The following PPP3CA variants were observed in gnomAD, a reference collection of about 807,000 sequenced individuals.
The protein encoded by PPP3CA is protein phosphatase 3 catalytic subunit alpha.
A neutral mutation model predicts 66.5 loss-of-function variants in PPP3CA; 14 were observed. The observed-to-expected ratio is 0.21, with a 90% CI of 0.14 to 0.33. The LOEUF (loss-of-function observed/expected upper bound fraction) is 0.33, where lower values mean the gene tolerates loss of function less well. Ranked by LOEUF, PPP3CA falls within the 10% of genes least tolerant of loss-of-function variation. PPP3CA has a pLI of 1.00. For missense variants in PPP3CA, 317 were observed against 639.5 expected (o/e 0.50, Z 5.44); for synonymous variants, 232 against 226.2 (o/e 1.03, Z -0.23).
At chr4:101,038,439 G>A (rs1246321172) in intron 11 of PPP3CA, among the ~76,000 whole-genome samples, 2 of 150,380 alleles carry the variant, frequency 1.3e-5, no homozygotes, top group African/African-American at 2.5e-5. Context: ...GCGCGATCTC[G>A]GCTTACTGCA....
chr4:101,185,902 A>C (rs1724394731), intron 2 of PPP3CA, among the ~76,000 whole-genome samples: 1 of 152,176 alleles, frequency 6.6e-6, no homozygotes, highest in Non-Finnish European at 1.5e-5. Context: ...CTCATCTATT[A>C]CATGGATATC....
chr4:101,210,003 G>A (rs1468481795), intron 1 of PPP3CA, among the ~76,000 whole-genome samples: 1 of 152,132 alleles, frequency 6.6e-6, no homozygotes, highest in African/African-American at 2.4e-5. Flanking sequence ...AAGGGTTTAG[G>A]AGATTGTTGA....
At chr4:101,312,635 C>A (rs943084529) in intron 1 of PPP3CA, among the ~76,000 whole-genome samples, 2 of 151,864 alleles carry the variant, frequency 1.3e-5, no homozygotes, top group Non-Finnish European at 2.9e-5. Flanking sequence ...AAAAAAAGTT[C>A]CTCCTTTAGT....
intron 2 of PPP3CA, among the ~76,000 whole-genome samples, chr4:101,174,128 A>C (rs550015604): frequency 6.6e-6 from 1 of 152,168 alleles, no homozygotes; most frequent in East Asian, 1.9e-4. Flanking sequence ...AACAAAAAAA[A>C]CCACGTTGTT....
At chr4:101,269,101 C>G (rs1191000112) in intron 1 of PPP3CA, among the ~76,000 whole-genome samples, 1 of 152,110 alleles carries the variant, frequency 6.6e-6, no homozygotes, top group Non-Finnish European at 1.5e-5. Flanking sequence ...AAAAATTTGT[C>G]AAGAAGATTG....
chr4:101,336,641 G>A (rs372328503), intron 1 of PPP3CA, among the ~76,000 whole-genome samples: 110 of 151,360 alleles, frequency 7.3e-4, no homozygotes, highest in East Asian at 4.7e-3. Flanking sequence ...GAGGCAAACA[G>A]GTAAGACTTA....
At chr4:101,113,652 C>T (rs1222385353) in intron 2 of PPP3CA, among the ~76,000 whole-genome samples, 2 of 152,150 alleles carry the variant, frequency 1.3e-5, no homozygotes, top group South Asian at 2.1e-4. Context: ...ATCTCATTCA[C>T]CATTTTGATA....
chr4:101,269,103 A>G (rs776802325), intron 1 of PPP3CA, among the ~76,000 whole-genome samples: 2 of 152,174 alleles, frequency 1.3e-5, no homozygotes, highest in Non-Finnish European at 2.9e-5. Context: ...AAATTTGTCA[A>G]GAAGATTGAG....
intron 10 of PPP3CA, among the ~76,000 whole-genome samples, chr4:101,054,633 T>C (rs1165921428): frequency 6.6e-6 from 1 of 152,092 alleles, no homozygotes; most frequent in African/African-American, 2.4e-5. Context: ...TTAAGTTCTG[T>C]ACAACTGTTA....
At chr4:101,132,948 C>T (rs980164609) in intron 2 of PPP3CA, among the ~76,000 whole-genome samples, 14 of 152,136 alleles carry the variant, frequency 9.2e-5, no homozygotes, top group African/African-American at 2.2e-4. Context: ...GTTCAACATA[C>T]GCAAACCAAT....
At chr4:101,248,931 C>A (rs1030861989) in intron 1 of PPP3CA, among the ~76,000 whole-genome samples, 4 of 151,736 alleles carry the variant, frequency 2.6e-5, no homozygotes, top group Non-Finnish European at 4.4e-5. Context: ...GAGGCCGAGG[C>A]GGGTGGATCA....
intron 1 of PPP3CA, among the ~76,000 whole-genome samples, chr4:101,252,609 G>C (rs1447233909): frequency 6.6e-6 from 1 of 152,076 alleles, no homozygotes; most frequent in Admixed American, 6.6e-5. Context: ...AATATTACAT[G>C]GAATTTTAGT....
chr4:101,194,730 C>A (rs142955045), intron 2 of PPP3CA, among the ~76,000 whole-genome samples: 174 of 152,092 alleles, frequency 1.1e-3, no homozygotes, highest in Non-Finnish European at 1.7e-3. Flanking sequence ...GCACACCCAG[C>A]TAATTTTTGT....
At chr4:101,309,302 A>AC (rs1728645063) in intron 1 of PPP3CA, among the ~76,000 whole-genome samples, 1 of 152,214 alleles carries the variant, frequency 6.6e-6, no homozygotes. Context: ...GCTTCCAGTT[A>AC]CAAGGGGCTT....
chr4:101,072,880 G>A (rs1330075570), intron 8 of PPP3CA, among the ~76,000 whole-genome samples: 1 of 148,726 alleles, frequency 6.7e-6, no homozygotes, highest in Non-Finnish European at 1.5e-5. Flanking sequence ...AGCTTGCAGT[G>A]AGCCGAGATT....
chr4:101,172,505 AGAGT>A (rs1432363997), intron 2 of PPP3CA, among the ~76,000 whole-genome samples: 2 of 148,674 alleles, frequency 1.3e-5, no homozygotes, highest in South Asian at 2.2e-4. Context: ...TGTGACTAAC[AGAGT>A]TAGTCACAGT....
At chr4:101,163,728 AC>A (rs1239879854) in intron 2 of PPP3CA, among the ~76,000 whole-genome samples, 1 of 152,070 alleles carries the variant, frequency 6.6e-6, no homozygotes, top group Non-Finnish European at 1.5e-5. Context: ...TGATAGGTAC[AC>A]CATGGTTTAA....
intron 1 of PPP3CA, among the ~76,000 whole-genome samples, chr4:101,296,110 T>A (rs146604026): frequency 6.6e-6 from 1 of 152,198 alleles, no homozygotes; most frequent in Non-Finnish European, 1.5e-5. Context: ...GAATTATATA[T>A]ATGCATTTTA....
chr4:101,060,943 G>A, intron 10 of PPP3CA, 144 bp downstream of exon 10: 5 of 736,094 alleles, frequency 6.8e-6, no homozygotes, highest in South Asian at 1.8e-5. Context: ...AAAGTAAACA[G>A]AAAATGAAAT....
Sources: allele counts gnomAD v4.1 joint callset (sites outside exome capture counted in the v4.1 genomes callset), GRCh38; gene constraint gnomAD v4.1.1; transcripts MANE v1.5; gene names NCBI Gene and HGNC (gene_info 2026-07-23, HGNC 2026-07-21).